Variants in PLA2G12A observed in about 807,000 individuals in gnomAD.
PLA2G12A encodes the protein phospholipase A2 group XIIA, also known as group XIIA secretory phospholipase A2.
In PLA2G12A, 11 loss-of-function variants were observed where a neutral mutation model predicts 16.0. That is an observed-to-expected ratio of 0.69 (90% confidence interval 0.43 to 1.13). The LOEUF (loss-of-function observed/expected upper bound fraction) is 1.13, where lower values mean the gene tolerates loss of function less well. Among genes scored for constraint, PLA2G12A ranks in the 50% most tolerant of loss-of-function variants. The pLI is 0.00. For missense variants in PLA2G12A, 214 were observed against 237.3 expected (o/e 0.90, Z 0.65); for synonymous variants, 77 against 93.8 (o/e 0.82, Z 1.03).
intron 1 of PLA2G12A, among the ~76,000 whole-genome samples, chr4:109,721,029 C>A (rs1730931775): frequency 6.6e-6 from 1 of 152,044 alleles, no homozygotes; most frequent in Admixed American, 6.5e-5. Flanking sequence ...CGAGATCGTG[C>A]CATTGCACTC....
intron 3 of PLA2G12A, among the ~76,000 whole-genome samples, chr4:109,717,015 C>A (rs1469108068): frequency 6.6e-6 from 1 of 152,122 alleles, no homozygotes; most frequent in Non-Finnish European, 1.5e-5. Flanking sequence ...ATAAAAGAGG[C>A]CCCAGAGAGC....
rs1156712333 is a variant in PLA2G12A at position 109,720,621 on chromosome 4, A to ATG, written c.209-1863_209-1862insCA. ...AAAAAAAAAATATATATATATATAT[A>ATG]TATATATATATATATATATATATGA... is the stretch of plus-strand genomic sequence containing the variant. On this transcript the variant is annotated intron_variant, in intron 1 of 3. Coordinates refer to ENST00000243501, the MANE Select transcript of PLA2G12A (RefSeq NM_030821.5). Among the ~76,000 whole-genome samples the ATG allele has an allele frequency of 4.2e-4, 49 of 116,960 alleles. 1 individual carries two copies. Among genetic ancestry groups the ATG allele is most frequent in the African/African-American group, 2.1e-3 (48 of 22,780 alleles). 76.7% of individuals were successfully genotyped at this position (116,960 alleles called of 152,430 possible).
At chr4:109,723,902 G>T (rs1722867500) in intron 1 of PLA2G12A, among the ~76,000 whole-genome samples, 1 of 152,104 alleles carries the variant, frequency 6.6e-6, no homozygotes, top group African/African-American at 2.4e-5. Context: ...AGTGTCTAGT[G>T]GTTAATGAAA....
At chr4:109,716,567 A>G (rs1730832535) in intron 3 of PLA2G12A, among the ~76,000 whole-genome samples, 2 of 152,168 alleles carry the variant, frequency 1.3e-5, no homozygotes, top group Non-Finnish European at 2.9e-5. Flanking sequence ...CAGTATTTGA[A>G]TGGTGATTTA....
intron 1 of PLA2G12A, among the ~76,000 whole-genome samples, chr4:109,720,958 C>CT (rs1730930052): frequency 6.6e-6 from 1 of 152,040 alleles, no homozygotes; most frequent in African/African-American, 2.4e-5. Flanking sequence ...GTAATCCCAG[C>CT]TACTTGGGAG....
chr4:109,714,388 T>C lies in PLA2G12A; in HGVS notation c.559A>G (p.Thr187Ala). 1.2e-6 allele frequency: 2 copies of C among 1,611,354 alleles called. No homozygotes were observed. The highest frequency in any genetic ancestry group is 1.1e-5 in the South Asian group (1 of 91,010). The change falls in exon 4 of 4, where the codon ACT becomes GCT. Residue 187 changes from threonine to alanine, a missense_variant. Coordinates refer to ENST00000243501, the MANE Select transcript of PLA2G12A (RefSeq NM_030821.5). ...AACRCHYEEK[T>A]DL is the part of the protein sequence containing the mutation. ...TGTCGGCATCTCCTTTAAAGATCAG[T>C]TTTTTCTTCATAATGACACCTGCAT... is the stretch of plus-strand genomic sequence containing the variant.
intron 1 of PLA2G12A, 110 bp downstream of exon 1, chr4:109,729,492 G>A: frequency 1.6e-6 from 2 of 1,215,088 alleles, no homozygotes; most frequent in Non-Finnish European, 2.3e-6. Context: ...TTCCACAGCC[G>A]AAGGACACCG....
rs117922645 is a variant in PLA2G12A, at chr4:109,721,616, G to C, written c.209-2857C>G. Among the ~76,000 whole-genome samples the C allele has an allele frequency of 3.6e-3, 548 of 152,176 alleles. 7 individuals are homozygous for C. Among genetic ancestry groups the C allele is most frequent in the East Asian group, 0.013 (66 of 5,162 alleles). Reference sequence around the variant, plus strand: ...ATTACAGGCATGAGCCACCATGCCCGGCCCAGTCCTTCATTCCTAAGAAAA... The same window carrying C: ...ATTACAGGCATGAGCCACCATGCCCCGCCCAGTCCTTCATTCCTAAGAAAA... On this transcript the variant is annotated intron_variant, in intron 1 of 3. Transcript: ENST00000243501.
At chr4:109,724,815 G>A (rs979074437) in intron 1 of PLA2G12A, among the ~76,000 whole-genome samples, 1 of 152,168 alleles carries the variant, frequency 6.6e-6, no homozygotes, top group African/African-American at 2.4e-5. Context: ...ATAACTGTCT[G>A]AAGAAGAAAA....
chr4:109,716,539 G>C (rs1001946508), intron 3 of PLA2G12A, among the ~76,000 whole-genome samples: 3 of 152,134 alleles, frequency 2.0e-5, no homozygotes, highest in African/African-American at 7.2e-5. Flanking sequence ...CTTGACAGTA[G>C]AGAAATCTTA....
intron 3 of PLA2G12A, among the ~76,000 whole-genome samples, chr4:109,714,778 A>G (rs1316516167): frequency 6.8e-6 from 1 of 146,154 alleles, no homozygotes. Context: ...TCTGACACCC[A>G]GAGTGGAGTG....
At chr4:109,726,522 C>G (rs936060775) in intron 1 of PLA2G12A, among the ~76,000 whole-genome samples, 6 of 152,174 alleles carry the variant, frequency 3.9e-5, no homozygotes, top group African/African-American at 1.4e-4. Context: ...TTTGTCTGGA[C>G]TCCTGCATGC....
intron 1 of PLA2G12A, among the ~76,000 whole-genome samples, chr4:109,724,242 C>T (rs1291774873): frequency 1.3e-5 from 2 of 152,184 alleles, no homozygotes; most frequent in East Asian, 3.9e-4. Context: ...TCTTCTGCCT[C>T]AGCCTCCCAA....
chr4:109,721,108 G>A (rs1045127979), intron 1 of PLA2G12A, among the ~76,000 whole-genome samples: 3 of 152,046 alleles, frequency 2.0e-5, no homozygotes, highest in African/African-American at 7.2e-5. Context: ...CCTACAGCCT[G>A]CTCTAAAGGA....
chr4:109,722,659 C>T (rs188774603), intron 1 of PLA2G12A, among the ~76,000 whole-genome samples: 1 of 152,300 alleles, frequency 6.6e-6, no homozygotes, highest in Non-Finnish European at 1.5e-5. Flanking sequence ...TATAAGCCAC[C>T]CAGTTTAAGG....
chr4:109,718,221 T>C (rs146674886), intron 2 of PLA2G12A, among the ~76,000 whole-genome samples: 27 of 152,338 alleles, frequency 1.8e-4, no homozygotes, highest in African/African-American at 6.3e-4. Flanking sequence ...TTACTCTGAA[T>C]CTATAACTTC....
At chr4:109,715,275 T>C (rs993614334) in intron 3 of PLA2G12A, among the ~76,000 whole-genome samples, 3 of 152,212 alleles carry the variant, frequency 2.0e-5, no homozygotes, top group Non-Finnish European at 4.4e-5. Context: ...AGAAACAAAG[T>C]TTAAAAATTG....
rs774779963 is a variant in PLA2G12A, at chr4:109,729,619, T to A, written c.191A>T (p.Gln64Leu). ...CCCCTCACCGTCACTGCATTTATAC[T>A]GGCAGAGACCGTCCTCGCCTCCCAG... ...DLLGGEDGLC[Q>L]YKCSDGSKPF... is the part of the protein sequence containing the mutation. Residue 64 changes from glutamine to leucine, a missense_variant, in exon 1 of 4, where the codon CAG becomes CTG. Physicochemically the swap from Gln to Leu is moderately radical, Grantham distance 113 (BLOSUM62 -2). Transcript: ENST00000243501. The A allele has an allele frequency of 1.2e-6, 2 of 1,611,334 alleles. No individual in the cohort carries two copies.
At chr4:109,728,402 T>C (rs989828418) in intron 1 of PLA2G12A, among the ~76,000 whole-genome samples, 1 of 152,224 alleles carries the variant, frequency 6.6e-6, no homozygotes, top group Non-Finnish European at 1.5e-5. Context: ...AGTAAAACTG[T>C]AACATTTGCT....
Sources: gnomAD v4.1 joint callset for allele counts (sites outside exome capture counted in the v4.1 genomes callset) on GRCh38, gnomAD v4.1.1 for gene constraint, MANE v1.5 for transcripts, NCBI Gene and HGNC (gene_info 2026-07-23, HGNC 2026-07-21) for gene names.